The following AOX1 variants were observed in gnomAD, a reference collection of about 807,000 sequenced individuals.
AOX1 encodes aldehyde oxidase 1.
In AOX1, 153 loss-of-function variants were observed where a neutral mutation model predicts 169.5. That is an observed-to-expected ratio of 0.90 (90% CI 0.79 to 1.03). AOX1 has a LOEUF of 1.03. AOX1 is among the 50% of genes least tolerant of loss of function. The probability of loss-of-function intolerance (pLI) is 0.00; values close to 1 mark genes in which losing one functional copy is unlikely to be tolerated. For synonymous variants in AOX1, 562 were observed against 581.9 expected (o/e 0.97, Z 0.49); for missense variants, 1,656 against 1,663.9 (o/e 1.00, Z 0.08).
chr2:200,674,130 G>T (rs576135879), downstream of AOX1, among the ~76,000 whole-genome samples: 1 of 152,254 alleles, frequency 6.6e-6, no homozygotes, highest in Non-Finnish European at 1.5e-5. Context: ...GTGCTTCAGC[G>T]TCTCTCCCTC....
At chr2:200,673,648 C>A (rs2036057092), downstream of AOX1, among the ~76,000 whole-genome samples, 1 of 152,368 alleles carries the variant, frequency 6.6e-6, no homozygotes, top group African/African-American at 2.4e-5. Flanking sequence ...TTTGTGGGCA[C>A]ACACACATGC....
At chr2:200,660,360 G>A (rs2035796738) in intron 29 of AOX1, among the ~76,000 whole-genome samples, 9 of 152,130 alleles carry the variant, frequency 5.9e-5, no homozygotes, top group Admixed American at 5.9e-4. Flanking sequence ...TGTAGCCTAG[G>A]GGTTGTCTAG....
chr2:200,604,891 G>A, intron 9 of AOX1, 51 bp downstream of exon 9: 1 of 1,523,248 alleles, frequency 6.6e-7, no homozygotes, highest in South Asian at 1.1e-5. Flanking sequence ...AAAAGGGCTT[G>A]GGATGGGGCC....
intron 8 of AOX1, 112 bp downstream of exon 8, chr2:200,604,209 C>A: frequency 1.3e-6 from 1 of 776,168 alleles, no homozygotes; most frequent in Non-Finnish European, 2.2e-6. Context: ...TGAGGCCTCT[C>A]TGTCATCCTT....
At chr2:200,592,961 G>A (rs2034206005) in intron 1 of AOX1, among the ~76,000 whole-genome samples, 185 bp from the exon 2 acceptor site, 1 of 152,136 alleles carries the variant, frequency 6.6e-6, no homozygotes, top group Non-Finnish European at 1.5e-5. Flanking sequence ...CAATTGTGGT[G>A]GGGCTCAAGA....
In AOX1 at chr2:200,621,026, A is replaced by T. The variant is rs2034874640; in HGVS notation, c.1875-94A>T. ...CCAATTGTCTGGCAGAGACTGTTGGACAGTTCTTACCTCTCTCATATCTTA... is the reference window on the plus strand; with the variant it reads ...CCAATTGTCTGGCAGAGACTGTTGGTCAGTTCTTACCTCTCTCATATCTTA... On this transcript the variant is annotated intron_variant, in intron 17 of 34. Transcript: ENST00000374700. 3 of 1,444,474 alleles carry T rather than the reference A, an allele frequency of 2.1e-6. No individual in the cohort carries two copies. In the Admixed American group the frequency reaches 6.9e-5, roughly 33 times the overall value. 89.5% of individuals were successfully genotyped at this position (1,444,474 alleles called of 1,614,324 possible). A position where few individuals can be genotyped will look rare whatever the true frequency, so the allele number is the denominator to read the frequency against.
intron 15 of AOX1, among the ~76,000 whole-genome samples, chr2:200,614,860 A>G (rs904212980): frequency 2.0e-5 from 3 of 152,224 alleles, no homozygotes; most frequent in African/African-American, 7.2e-5. Flanking sequence ...GATAAGTGAC[A>G]TATTGTCACC....
chr2:200,630,224 A>AAG (rs1191804566), intron 20 of AOX1, among the ~76,000 whole-genome samples: 1 of 114,392 alleles, frequency 8.7e-6, no homozygotes, highest in African/African-American at 3.2e-5. Context: ...AAAAAAAAAA[A>AAG]AAAAAAAAAA....
At chr2:200,601,643 T>A (rs60697636) in intron 5 of AOX1, among the ~76,000 whole-genome samples, 53,057 of 151,298 alleles carry the variant, frequency 0.35, 9,364 homozygotes, top group East Asian at 0.44. Flanking sequence ...AAAAAAAAAA[T>A]TAGTTTGGCT....
At position 200,650,880 on chromosome 2, in the gene AOX1, A is replaced by G. The variant is rs182521546; in HGVS notation, c.2848-94A>G. 1.4e-4 allele frequency: 161 copies of G among 1,166,880 alleles called. No individual in the cohort carries two copies. The East Asian group carries it at 3.9e-3, about 29-fold the overall frequency. 72.3% of individuals were successfully genotyped at this position (1,166,880 alleles called of 1,614,324 possible). A position where few individuals can be genotyped will look rare whatever the true frequency, so the allele number is the denominator to read the frequency against. ...CAGTAGAACTTGGCTTGGACCTTAC[A>G]GGATGGGCAGAATTTGACCAGGAGG... On this transcript the variant is annotated intron_variant, in intron 25 of 34. Coordinates refer to ENST00000374700, the MANE Select transcript of AOX1 (RefSeq NM_001159.4).
At chr2:200,632,263 A>AT (rs1164019347) in intron 20 of AOX1, among the ~76,000 whole-genome samples, 25 of 151,118 alleles carry the variant, frequency 1.7e-4, no homozygotes, top group Non-Finnish European at 3.0e-5. Flanking sequence ...CCTTGTACAG[A>AT]TTTTTTTTAG....
chr2:200,644,845 TTG>T, intron 25 of AOX1, among the ~76,000 whole-genome samples: 1 of 152,192 alleles, frequency 6.6e-6, no homozygotes, highest in Non-Finnish European at 1.5e-5. Flanking sequence ...GATTCTCTGC[TTG>T]GTCGCCATTG....
rs146899961 is a variant in AOX1 at position 200,612,656 on chromosome 2, G to T, written c.1311G>T (p.Ala437=). 2.5e-6 allele frequency: 4 copies of T among 1,614,106 alleles called. No individual in the cohort carries two copies. The African/African-American group carries it at 5.3e-5, about 22-fold the overall frequency. ...GACAAGCCCAGCGACAGGAGAATGC[G>T]CTAGCGATAGTCAATTCAGGAATGA... is the stretch of plus-strand genomic sequence containing the variant. ...AFRQAQRQEN[A]LAIVNSGMRV... is the part of the protein sequence containing the mutation. Residue 437 remains alanine, a synonymous_variant, in exon 14 of 35, where the codon GCG becomes GCT. Transcript: ENST00000374700.
At chr2:200,622,100 C>A (rs2034897971) in intron 18 of AOX1, among the ~76,000 whole-genome samples, 1 of 152,238 alleles carries the variant, frequency 6.6e-6, no homozygotes, top group Admixed American at 6.5e-5. Flanking sequence ...GTCACCATAG[C>A]TGAACAAGAT....
intron 31 of AOX1, among the ~76,000 whole-genome samples, chr2:200,663,568 A>ACTCTCTCTCT (rs1553579755): frequency 1.6e-5 from 2 of 123,510 alleles, no homozygotes; most frequent in African/African-American, 5.9e-5. Flanking sequence ...ACACACACAC[A>ACTCTCTCTCT]CACACTCTCT....
intron 19 of AOX1, among the ~76,000 whole-genome samples, chr2:200,626,764 A>G (rs2035013838): frequency 6.6e-6 from 1 of 152,258 alleles, no homozygotes; most frequent in Admixed American, 6.5e-5. Context: ...CAGAGCCACC[A>G]TGATCCCAAT....
At chr2:200,669,311 G>A (rs534917860) in intron 33 of AOX1, among the ~76,000 whole-genome samples, 5 of 152,092 alleles carry the variant, frequency 3.3e-5, no homozygotes, top group South Asian at 2.1e-4. Context: ...CAGGTGTGGC[G>A]GTGCATGTCT....
chr2:200,617,666 C>CCATTA (rs55663630), intron 16 of AOX1, among the ~76,000 whole-genome samples: 43,787 of 151,414 alleles, frequency 0.29, 6,800 homozygotes, highest in East Asian at 0.38. Context: ...ACTCCCAGAC[C>CCATTA]CATTACAGAT....
Position 200,660,394 on chromosome 2 carries a change from T to TC in AOX1, c.3375+326dup, listed in dbSNP as rs1358718199. On this transcript the variant is annotated intron_variant, in intron 29 of 34. Coordinates refer to ENST00000374700, the MANE Select transcript of AOX1 (RefSeq NM_001159.4). ...AGATAATAACTGTACATCTGTTTTTTCTCTTTCTTTGGGTTCTGCTGTTCC... is the reference window on the plus strand; with the variant it reads ...AGATAATAACTGTACATCTGTTTTTTCCTCTTTCTTTGGGTTCTGCTGTTCC... 3.0e-4 allele frequency among the ~76,000 whole-genome samples: 46 copies of TC among 152,248 alleles called. 1 individual carries two copies. The highest frequency in any genetic ancestry group is 6.5e-4 in the Admixed American group (10 of 15,278).
Sources: gnomAD v4.1 joint callset for allele counts (sites outside exome capture counted in the v4.1 genomes callset) on GRCh38, gnomAD v4.1.1 for gene constraint, MANE v1.5 for transcripts, NCBI Gene and HGNC (gene_info 2026-07-23, HGNC 2026-07-21) for gene names.